CYP2J2: variants seen among roughly 807,000 people sequenced by gnomAD.
CYP2J2 encodes cytochrome P450 2J2.
In CYP2J2, 41 loss-of-function variants were observed where a neutral mutation model predicts 48.8. The observed-to-expected ratio is 0.84, with a 90% CI of 0.66 to 1.09. The LOEUF is 1.09. Ranked by LOEUF, CYP2J2 falls within the 50% of genes least tolerant of loss-of-function variation. CYP2J2 has a pLI of 0.00. For synonymous variants in CYP2J2, 221 were observed against 227.1 expected, an observed-to-expected ratio of 0.97 and a Z score of 0.24; for missense variants, 644 against 617.3, an observed-to-expected ratio of 1.04 and a Z score of -0.46.
chr1:59,921,066 C>T (rs890392764), intron 1 of CYP2J2, among the ~76,000 whole-genome samples: 2 of 152,094 alleles, frequency 1.3e-5, no homozygotes, highest in Non-Finnish European at 2.9e-5. Flanking sequence ...ATCCAATCTC[C>T]TTATATCTCA....
intron 3 of CYP2J2, 118 bp from the exon 4 acceptor site, chr1:59,911,886 G>A: frequency 9.4e-7 from 1 of 1,063,236 alleles, no homozygotes; most frequent in Non-Finnish European, 1.4e-6. Flanking sequence ...ATGAGGAGCT[G>A]GCCACATGAC....
intron 2 of CYP2J2, among the ~76,000 whole-genome samples, chr1:59,913,412 C>G (rs957727341): frequency 6.6e-6 from 1 of 152,164 alleles, no homozygotes; most frequent in Non-Finnish European, 1.5e-5. Context: ...TACAACGCTG[C>G]CTGCCTCACT....
At chr1:59,961,355 C>T in the CYP2J2 span, among the ~76,000 whole-genome samples, 1 of 151,954 alleles carries the variant, frequency 6.6e-6, no homozygotes, top group Non-Finnish European at 1.5e-5. Flanking sequence ...TGTATGAGTG[C>T]CCAAGAAGCA....
chr1:59,959,560 ATATGTATGTGTATATATGTATG>A, the CYP2J2 span, among the ~76,000 whole-genome samples: 2 of 152,096 alleles, frequency 1.3e-5, no homozygotes, highest in Non-Finnish European at 1.5e-5. Context: ...AGATATATAT[ATATGTATGTGTATATATGTATG>A]TATGTATGTG....
the CYP2J2 span, among the ~76,000 whole-genome samples, chr1:59,932,173 A>G: frequency 6.6e-6 from 1 of 152,144 alleles, no homozygotes; most frequent in African/African-American, 2.4e-5. Flanking sequence ...GGTACTCTGT[A>G]TATTTTTAAC....
chr1:59,948,693 T>A, the CYP2J2 span, among the ~76,000 whole-genome samples: 294 of 152,344 alleles, frequency 1.9e-3, no homozygotes, highest in African/African-American at 6.6e-3. Flanking sequence ...CATTTGATTA[T>A]TTTTGAAAAC....
chr1:59,906,989 T>C (rs527891239), intron 6 of CYP2J2, among the ~76,000 whole-genome samples: 5 of 152,290 alleles, frequency 3.3e-5, no homozygotes, highest in Admixed American at 6.5e-5. Context: ...AAAAACTGTA[T>C]TGTTAAGAGT....
At chr1:59,964,480 C>T in the CYP2J2 span, among the ~76,000 whole-genome samples, 49 of 152,190 alleles carry the variant, frequency 3.2e-4, no homozygotes, top group Admixed American at 2.0e-4. Flanking sequence ...GAGCACAGGT[C>T]ACATGTCTAT....
chr1:59,915,549 A>T (rs1055911886), intron 2 of CYP2J2, among the ~76,000 whole-genome samples: 1 of 152,240 alleles, frequency 6.6e-6, no homozygotes, highest in African/African-American at 2.4e-5. Flanking sequence ...AAAGAGAATA[A>T]GGAAATAGAG....
At chr1:59,942,636 G>A in the CYP2J2 span, among the ~76,000 whole-genome samples, 8 of 152,048 alleles carry the variant, frequency 5.3e-5, no homozygotes, top group Admixed American at 4.6e-4. Flanking sequence ...ATTGTGGACT[G>A]TAGGTGTGAG....
chr1:59,919,200 T>G, intron 1 of CYP2J2, among the ~76,000 whole-genome samples: 1 of 152,206 alleles, frequency 6.6e-6, no homozygotes, highest in Admixed American at 6.5e-5. Flanking sequence ...TGTTTCTATA[T>G]TTCTCTGAGG....
At chr1:59,901,902 C>T (rs1172465798) in intron 7 of CYP2J2, among the ~76,000 whole-genome samples, 1 of 152,072 alleles carries the variant, frequency 6.6e-6, no homozygotes, top group East Asian at 1.9e-4. Context: ...CATGTCATTC[C>T]CCACCTCCAC....
chr1:59,937,310 C>G, the CYP2J2 span, among the ~76,000 whole-genome samples: 3 of 152,314 alleles, frequency 2.0e-5, no homozygotes, highest in East Asian at 3.9e-4. Flanking sequence ...ACACTCATAT[C>G]CCATTGTCCA....
chr1:59,946,488 T>C, the CYP2J2 span, among the ~76,000 whole-genome samples: 1 of 152,212 alleles, frequency 6.6e-6, no homozygotes, highest in East Asian at 1.9e-4. Flanking sequence ...CACTGATAGT[T>C]TATTCTTCCT....
intron 1 of CYP2J2, among the ~76,000 whole-genome samples, chr1:59,923,555 A>G (rs1350367963): frequency 6.6e-6 from 1 of 152,236 alleles, no homozygotes; most frequent in Non-Finnish European, 1.5e-5. Flanking sequence ...AATAACTATG[A>G]ATAGTCTCAA....
the CYP2J2 span, among the ~76,000 whole-genome samples, chr1:59,964,751 A>T: frequency 2.6e-5 from 4 of 152,232 alleles, no homozygotes. Flanking sequence ...TTTCATTACA[A>T]CCTTTCAGAT....
At chr1:59,943,099 G>T in the CYP2J2 span, among the ~76,000 whole-genome samples, 1 of 152,138 alleles carries the variant, frequency 6.6e-6, no homozygotes, top group South Asian at 2.1e-4. Flanking sequence ...TTTTAAATTT[G>T]ATGTATTTAT....
chr1:59,954,569 A>T, the CYP2J2 span, among the ~76,000 whole-genome samples: 1 of 137,888 alleles, frequency 7.3e-6, no homozygotes, highest in African/African-American at 3.0e-5. Context: ...TTAATAATAT[A>T]TCCTCAGTCT....
chr1:59,946,175 T>G, the CYP2J2 span, among the ~76,000 whole-genome samples: 1 of 152,220 alleles, frequency 6.6e-6, no homozygotes, highest in African/African-American at 2.4e-5. Context: ...GCCTGGCTTT[T>G]GTGATCTCTC....
Sources: allele counts gnomAD v4.1 joint callset (sites outside exome capture counted in the v4.1 genomes callset), GRCh38; gene constraint gnomAD v4.1.1; transcripts MANE v1.5; gene names NCBI Gene and HGNC (gene_info 2026-07-23, HGNC 2026-07-21).